Variants in DCBLD2 observed in about 807,000 individuals in gnomAD.
DCBLD2 encodes discoidin, CUB and LCCL domain containing 2, also known as discoidin, CUB and LCCL domain-containing protein 2.
Under a neutral mutation model 86.8 loss-of-function variants are expected in DCBLD2, and 54 were observed. That is an observed-to-expected ratio of 0.62 (90% CI 0.50 to 0.78). The LOEUF is 0.78. Ranked by LOEUF, DCBLD2 falls within the 30% of genes least tolerant of loss-of-function variation. The pLI is 0.00. For synonymous variants in DCBLD2, 354 were observed against 341.3 expected, an observed-to-expected ratio of 1.04 and a Z score of -0.41; for missense variants, 908 against 954.2, an observed-to-expected ratio of 0.95 and a Z score of 0.64.
At chr3:98,876,204 T>C (rs1413225218) in intron 2 of DCBLD2, among the ~76,000 whole-genome samples, 1 of 151,574 alleles carries the variant, frequency 6.6e-6, no homozygotes, top group Non-Finnish European at 1.5e-5. Flanking sequence ...TGAGAAGTCC[T>C]AAAACCTGAG....
At chr3:98,845,643 T>C (rs1014529540) in intron 3 of DCBLD2, among the ~76,000 whole-genome samples, 4 of 152,188 alleles carry the variant, frequency 2.6e-5, no homozygotes, top group Admixed American at 6.5e-5. Context: ...TCTCTGTTCT[T>C]AACATCTTCC....
Position 98,854,644 on chromosome 3 carries a change from A to G in DCBLD2, c.434-5046T>C, listed in dbSNP as rs142981563. Among the ~76,000 whole-genome samples the G allele has an allele frequency of 3.2e-3, 491 of 152,368 alleles. 3 individuals are homozygous for G. The highest frequency in any genetic ancestry group is 8.3e-3 in the African/African-American group (346 of 41,588). ...GAATTTGCCTCTCCTTCTAAAATATAGTGGTTTTAGAAAAGTATTTTAAAT... is the reference window on the plus strand; with the variant it reads ...GAATTTGCCTCTCCTTCTAAAATATGGTGGTTTTAGAAAAGTATTTTAAAT... On this transcript the variant is annotated intron_variant, in intron 2 of 15. Transcript: ENST00000326840.
At chr3:98,876,866 A>G (rs2470857) in intron 2 of DCBLD2, among the ~76,000 whole-genome samples, 65,294 of 152,062 alleles carry the variant, frequency 0.43, 14,173 homozygotes, top group Non-Finnish European at 0.45. Context: ...AATGATGCAC[A>G]GTGATTTCCA....
chr3:98,808,043 G>C, intron 13 of DCBLD2, 38 bp downstream of exon 13: 2 of 1,420,064 alleles, frequency 1.4e-6, no homozygotes, highest in Non-Finnish European at 1.9e-6. Flanking sequence ...CTTCACATTT[G>C]GTAGTTTTGG....
intron 2 of DCBLD2, among the ~76,000 whole-genome samples, chr3:98,862,534 C>T (rs1262111871): frequency 1.3e-5 from 2 of 152,188 alleles, no homozygotes; most frequent in African/African-American, 4.8e-5. Context: ...ATCAAGTGGG[C>T]TTCATCTCTG....
At chr3:98,888,671 A>T (rs1943603380) in intron 1 of DCBLD2, among the ~76,000 whole-genome samples, 1 of 152,074 alleles carries the variant, frequency 6.6e-6, no homozygotes, top group South Asian at 2.1e-4. Flanking sequence ...TTATTGACCC[A>T]GTACACTTGG....
chr3:98,819,116 A>T, intron 8 of DCBLD2, 86 bp downstream of exon 8: 1 of 1,300,660 alleles, frequency 7.7e-7, no homozygotes, highest in Non-Finnish European at 1.0e-6. Flanking sequence ...TTAATGCCTT[A>T]ATTTTCTCTG....
At chr3:98,846,539 CAGATA>C (rs1308801187) in intron 3 of DCBLD2, among the ~76,000 whole-genome samples, 1 of 152,072 alleles carries the variant, frequency 6.6e-6, no homozygotes, top group East Asian at 1.9e-4. Flanking sequence ...CATTCTAGTT[CAGATA>C]AAACAAATGC....
At chr3:98,836,249 G>A (rs1942446144) in intron 3 of DCBLD2, among the ~76,000 whole-genome samples, 1 of 145,104 alleles carries the variant, frequency 6.9e-6, no homozygotes, top group South Asian at 2.3e-4. Context: ...GCCTGAAAAT[G>A]GTTGCCTCCA....
At position 98,808,075 on chromosome 3, in the gene DCBLD2, A is replaced by C. The variant is rs1258487070; in HGVS notation, c.1670+6T>G. On this transcript the variant is annotated splice_donor_region_variant and intron_variant, in intron 13 of 15. Coordinates refer to ENST00000326840, the MANE Select transcript of DCBLD2 (RefSeq NM_080927.4). ...TTGGACTCAGGTGAACTAGTTATGT[A>C]CTAACCTGTTTCTCCAGTGCCAAGC... 1 of 1,585,682 alleles carries C rather than the reference A, an allele frequency of 6.3e-7. No homozygotes were observed. The highest frequency in any genetic ancestry group is 8.6e-7 in the Non-Finnish European group (1 of 1,168,066).
intron 13 of DCBLD2, among the ~76,000 whole-genome samples, chr3:98,807,691 G>C (rs536197286): frequency 6.6e-6 from 1 of 151,994 alleles, no homozygotes; most frequent in Admixed American, 6.6e-5. Flanking sequence ...CCCCTTTCCC[G>C]AAGAAAAAAC....
chr3:98,881,493 T>G, intron 2 of DCBLD2, 47 bp downstream of exon 2: 76 of 1,505,032 alleles, frequency 5.0e-5, no homozygotes, highest in Non-Finnish European at 6.5e-5. Flanking sequence ...AATACATCAT[T>G]GAGACAATGA....
At chr3:98,893,605 T>A (rs1239163730) in intron 1 of DCBLD2, among the ~76,000 whole-genome samples, 1 of 152,026 alleles carries the variant, frequency 6.6e-6, no homozygotes, top group South Asian at 2.1e-4. Context: ...AGCACAAATG[T>A]AGATTACCAT....
chr3:98,867,291 C>T (rs1250655840), intron 2 of DCBLD2, among the ~76,000 whole-genome samples: 1 of 152,128 alleles, frequency 6.6e-6, no homozygotes, highest in Non-Finnish European at 1.5e-5. Context: ...TATAAATTAC[C>T]TTGGGCAGTA....
At chr3:98,825,645 A>G (rs1307915632) in intron 3 of DCBLD2, among the ~76,000 whole-genome samples, 3 of 14,952 alleles carry the variant, frequency 2.0e-4, no homozygotes, top group African/African-American at 1.3e-3. Context: ...ATGTGTATTT[A>G]TATATATATA....
intron 9 of DCBLD2, chr3:98,815,579 C>G (rs1942006231): frequency 6.6e-6 from 1 of 151,922 alleles, no homozygotes; most frequent in African/African-American, 2.4e-5. Flanking sequence ...TAATATCAAT[C>G]AACATAAAAA....
chr3:98,893,779 T>C (rs1041798097), intron 1 of DCBLD2, among the ~76,000 whole-genome samples: 4 of 152,322 alleles, frequency 2.6e-5, no homozygotes, highest in South Asian at 2.1e-4. Flanking sequence ...TTCCCCAATG[T>C]AGCAGTGCTC....
intron 4 of DCBLD2, among the ~76,000 whole-genome samples, chr3:98,823,361 T>G (rs1410427626): frequency 6.6e-6 from 1 of 152,254 alleles, no homozygotes; most frequent in Non-Finnish European, 1.5e-5. Flanking sequence ...CTAAATGATA[T>G]TCTATTCTGT....
chr3:98,865,986 TGCTGAGAATGATGGTTTCCA>T (rs1467141839), intron 2 of DCBLD2, among the ~76,000 whole-genome samples: 1 of 151,956 alleles, frequency 6.6e-6, no homozygotes, highest in Non-Finnish European at 1.5e-5. Context: ...TGTGATAGTT[TGCTGAGAATGATGGTTTCCA>T]GCTTCATCCA....
Sources: gnomAD v4.1 joint callset for allele counts (sites outside exome capture counted in the v4.1 genomes callset) on GRCh38, gnomAD v4.1.1 for gene constraint, MANE v1.5 for transcripts, NCBI Gene and HGNC (gene_info 2026-07-23, HGNC 2026-07-21) for gene names.